The following DNAJC27 variants were observed in gnomAD, a reference collection of about 807,000 sequenced individuals.
DNAJC27 encodes the protein dnaJ homolog subfamily C member 27.
A neutral mutation model predicts 31.4 loss-of-function variants in DNAJC27; 25 were observed. The ratio of observed to expected loss-of-function variants is 0.80; its 90% CI spans 0.58 to 1.11. The LOEUF (loss-of-function observed/expected upper bound fraction) is 1.11, where lower values mean the gene tolerates loss of function less well. DNAJC27 is among the 50% of genes most tolerant of loss of function. DNAJC27 has a pLI of 0.00. For missense variants in DNAJC27, 356 were observed against 347.3 expected (o/e 1.02, Z -0.20); for synonymous variants, 106 against 112.7 (o/e 0.94, Z 0.37).
At chr2:24,964,762 T>G (rs949388116) in intron 2 of DNAJC27, among the ~76,000 whole-genome samples, 1 of 152,234 alleles carries the variant, frequency 6.6e-6, no homozygotes. Context: ...CATGGTCCTT[T>G]GGCATAATAT....
Position 24,951,460 on chromosome 2 carries a change from G to C in DNAJC27, c.623C>G (p.Ala208Gly), listed in dbSNP as rs780797456. The C allele has an allele frequency of 1.9e-6, 3 of 1,613,840 alleles. No homozygotes were observed. Among genetic ancestry groups the C allele is most frequent in the African/African-American group, 1.3e-5 (1 of 75,018 alleles). The change falls in exon 6 of 7, where the codon GCC becomes GGC. Residue 208 changes from alanine (A) to glycine (G), a missense_variant. Physicochemically the swap from Ala to Gly is moderately conservative, Grantham distance 60 (BLOSUM62 0). Transcript: ENST00000264711. ...TTTACTATTTCGAATTCTGCGAATGGCATCTGCTTGTTCTTTGGTGAAACT... is the reference window on the plus strand; with the variant it reads ...TTTACTATTTCGAATTCTGCGAATGCCATCTGCTTGTTCTTTGGTGAAACT... Reference protein sequence around the residue: ...SASFTKEQADAIRRIRNSKDS... With the variant: ...SASFTKEQADGIRRIRNSKDS...
chr2:24,958,500 G>C (rs1665963228), intron 3 of DNAJC27: 1 of 328,738 alleles, frequency 3.0e-6, no homozygotes, highest in African/African-American at 2.2e-5. Context: ...CAATGGAAAA[G>C]AGCACAGGCT....
chr2:24,970,181 C>T (rs903934429), intron 1 of DNAJC27, among the ~76,000 whole-genome samples: 1 of 152,088 alleles, frequency 6.6e-6, no homozygotes, highest in Non-Finnish European at 1.5e-5. Flanking sequence ...ATAATTTGGA[C>T]ACAATAAAGT....
rs1481638870 is a variant in DNAJC27, at chr2:24,946,960, G to A, written c.*656C>T. ...GCCAGTGTACCTAGAATTTGTGGCTGCCACCACCTTTTCTCTTAGGACTGG... is the reference window on the plus strand; with the variant it reads ...GCCAGTGTACCTAGAATTTGTGGCTACCACCACCTTTTCTCTTAGGACTGG... On this transcript the variant is annotated 3_prime_UTR_variant, in exon 7 of 7. Transcript: ENST00000264711. 1 of 152,264 alleles carries A rather than the reference G, an allele frequency of 6.6e-6. No individual in the cohort carries two copies. Among genetic ancestry groups the A allele is most frequent in the Non-Finnish European group, 1.5e-5 (1 of 68,090 alleles). 9.4% of individuals were successfully genotyped at this position (152,264 alleles called of 1,614,324 possible).
At chr2:24,968,829 T>C (rs1666253232) in intron 1 of DNAJC27, 2 of 152,656 alleles carry the variant, frequency 1.3e-5, no homozygotes, top group Non-Finnish European at 2.9e-5. Flanking sequence ...GATGTCTCCA[T>C]ATTTCCTTCC....
In DNAJC27 at chr2:24,967,201, A is replaced by G. The variant is rs1666206544; in HGVS notation, c.170+10T>C. 6.2e-7 allele frequency: 1 copy of G among 1,607,304 alleles called. No homozygotes were observed. The highest frequency in any genetic ancestry group is 1.3e-5 in the African/African-American group (1 of 74,602). ...TGTAACTTACAAACCCAGGGAAACA[A>G]TATACTTACTTTGTGACTCCATAGT... is the stretch of plus-strand genomic sequence containing the variant. On this transcript the variant is annotated intron_variant, in intron 2 of 6. Coordinates refer to ENST00000264711, the MANE Select transcript of DNAJC27 (RefSeq NM_016544.3).
intron 5 of DNAJC27, among the ~76,000 whole-genome samples, chr2:24,954,512 A>AC (rs1280390280): frequency 6.6e-6 from 1 of 152,224 alleles, no homozygotes; most frequent in Non-Finnish European, 1.5e-5. Flanking sequence ...GGCTTGGGAA[A>AC]CACTTTGAAC....
intron 2 of DNAJC27, among the ~76,000 whole-genome samples, chr2:24,964,380 C>T (rs1666125435): frequency 1.3e-5 from 2 of 150,946 alleles, no homozygotes; most frequent in East Asian, 1.9e-4. Context: ...CGAGATCACG[C>T]CACTGCACTC....
intron 2 of DNAJC27, among the ~76,000 whole-genome samples, chr2:24,963,903 G>A (rs960796257): frequency 6.6e-5 from 10 of 152,230 alleles, no homozygotes; most frequent in South Asian, 2.1e-4. Context: ...GAATAACAAC[G>A]ATGTATATTA....
At chr2:24,968,506 AT>A (rs1049078513) in intron 1 of DNAJC27, among the ~76,000 whole-genome samples, 1 of 151,134 alleles carries the variant, frequency 6.6e-6, no homozygotes, top group African/African-American at 2.4e-5. Context: ...TTATTTATTT[AT>A]TTATTATTAT....
Position 24,951,384 on chromosome 2 carries a change from G to A in DNAJC27, c.689+10C>T. Reference sequence around the variant, plus strand: ...ATAGCAATCAGCACTAAGTATCCCAGAGCGCTTACCTTGAGGCCCCAGGTT... The same window carrying A: ...ATAGCAATCAGCACTAAGTATCCCAAAGCGCTTACCTTGAGGCCCCAGGTT... On this transcript the variant is annotated intron_variant, in intron 6 of 6. Coordinates refer to ENST00000264711, the MANE Select transcript of DNAJC27 (RefSeq NM_016544.3). 6.2e-7 allele frequency: 1 copy of A among 1,606,576 alleles called. No homozygotes were observed. Among genetic ancestry groups the A allele is most frequent in the Non-Finnish European group, 8.5e-7 (1 of 1,176,026 alleles).
At chr2:24,954,217 C>T (rs936183171) in intron 5 of DNAJC27, among the ~76,000 whole-genome samples, 2 of 152,134 alleles carry the variant, frequency 1.3e-5, no homozygotes, top group African/African-American at 2.4e-5. Context: ...GGTGAGATCA[C>T]TCAAGGCTTA....
chr2:24,963,104 A>T (rs565045463), intron 3 of DNAJC27: 64 of 292,780 alleles, frequency 2.2e-4, no homozygotes, highest in Middle Eastern at 1.1e-3. Context: ...AAATGTAATT[A>T]TTTTTTTTTT....
intron 3 of DNAJC27, among the ~76,000 whole-genome samples, chr2:24,959,400 C>T (rs1665987756): frequency 6.6e-6 from 1 of 152,174 alleles, no homozygotes; most frequent in South Asian, 2.1e-4. Flanking sequence ...CAAGATGAGC[C>T]CTCTCCTCTG....
rs1479970101 is a variant in DNAJC27, at chr2:24,947,719, A to C, written c.719T>G (p.Leu240Arg). Reference protein sequence around the residue: ...RDEVNKAYRKLAVLLHPDKCV... With the variant: ...RDEVNKAYRKRAVLLHPDKCV... ...TTTGTCAGGGTGAAGAAGCACAGCA[A>C]GTTTCCGATACGCTTTATTGACTTC... Residue 240 changes from leucine to arginine, a missense_variant, in exon 7 of 7, where the codon CTT becomes CGT. Physicochemically the swap from Leu to Arg is moderately radical, Grantham distance 102. Coordinates refer to ENST00000264711, the MANE Select transcript of DNAJC27 (RefSeq NM_016544.3). 6.2e-7 allele frequency: 1 copy of C among 1,613,528 alleles called. No individual in the cohort carries two copies. Among genetic ancestry groups the C allele is most frequent in the Non-Finnish European group, 8.5e-7 (1 of 1,179,570 alleles).
At chr2:24,964,814 T>C (rs1666139401) in intron 2 of DNAJC27, among the ~76,000 whole-genome samples, 1 of 152,232 alleles carries the variant, frequency 6.6e-6, no homozygotes, top group Non-Finnish European at 1.5e-5. Context: ...GCTACTTATA[T>C]GAATTCAGAA....
Position 24,944,154 on chromosome 2 carries a change from C to G in DNAJC27, c.*3462G>C, listed in dbSNP as rs1209030502. On this transcript the variant is annotated 3_prime_UTR_variant, in exon 7 of 7. Coordinates refer to ENST00000264711, the MANE Select transcript of DNAJC27 (RefSeq NM_016544.3). Reference sequence around the variant, plus strand: ...GTTCATTTTCAAAAGTTTTACAAAACCTTTGATTCAGAGTAAGCTTGATGG... The same window carrying G: ...GTTCATTTTCAAAAGTTTTACAAAAGCTTTGATTCAGAGTAAGCTTGATGG... The G allele has an allele frequency of 6.6e-6, 1 of 152,158 alleles. No individual in the cohort carries two copies. The highest frequency in any genetic ancestry group is 1.5e-5 in the Non-Finnish European group (1 of 68,032). 9.4% of individuals were successfully genotyped at this position (152,158 alleles called of 1,614,324 possible).
intron 2 of DNAJC27, among the ~76,000 whole-genome samples, chr2:24,966,816 T>C (rs1236818911): frequency 1.3e-5 from 2 of 152,212 alleles, no homozygotes; most frequent in African/African-American, 4.8e-5. Flanking sequence ...ACTTCTCTGG[T>C]AGAAAATGTT....
chr2:24,963,979 AT>A (rs1198870293), intron 2 of DNAJC27, among the ~76,000 whole-genome samples: 4 of 152,356 alleles, frequency 2.6e-5, no homozygotes, highest in Non-Finnish European at 5.9e-5. Context: ...TTGTTTTCAG[AT>A]ATTTGGAAAT....
Sources: allele counts gnomAD v4.1 joint callset (sites outside exome capture counted in the v4.1 genomes callset), GRCh38; gene constraint gnomAD v4.1.1; transcripts MANE v1.5; gene names NCBI Gene and HGNC (gene_info 2026-07-23, HGNC 2026-07-21).